Variants in DGKB observed in about 807,000 individuals in gnomAD.
DGKB encodes the protein 90 kDa diacylglycerol kinase.
Under a neutral mutation model 114.3 loss-of-function variants are expected in DGKB, and 67 were observed. The observed-to-expected ratio is 0.59, with a 90% CI of 0.48 to 0.72. The LOEUF is 0.72. Among genes scored for constraint, DGKB ranks in the 30% least tolerant of loss-of-function variants. The probability of loss-of-function intolerance (pLI) is 0.00; values close to 1 mark genes in which losing one functional copy is unlikely to be tolerated. For missense variants in DGKB, 907 were observed against 975.2 expected, an observed-to-expected ratio of 0.93 and a Z score of 0.93; for synonymous variants, 398 against 323.1, an observed-to-expected ratio of 1.23 and a Z score of -2.49.
At chr7:14,523,182 A>G (rs12699627) in intron 20 of DGKB, among the ~76,000 whole-genome samples, 53,645 of 152,036 alleles carry the variant, frequency 0.35, 9,870 homozygotes, top group Admixed American at 0.45. Context: ...CCTAAATAAT[A>G]ACTTCTCTTT....
rs560642172 is a variant in DGKB at position 14,544,959 on chromosome 7, G to C, written c.1770+29253C>G. ...ACTCCCACTTGTATTTTTACTGTCA[G>C]ATGCTTCTTCACGTTGATGCCAAAA... On this transcript the variant is annotated intron_variant, in intron 20 of 25. Coordinates refer to ENST00000402815, the MANE Select transcript of DGKB (RefSeq NM_001350709.2). Among the ~76,000 whole-genome samples, 321 of 151,516 alleles carry C rather than the reference G, an allele frequency of 2.1e-3. 1 individual carries two copies. Among genetic ancestry groups the C allele is most frequent in the Non-Finnish European group, 3.7e-3 (250 of 67,874 alleles).
At chr7:14,949,395 T>C (rs1464987016) in intron 1 of DGKB, among the ~76,000 whole-genome samples, 1 of 151,902 alleles carries the variant, frequency 6.6e-6, no homozygotes, top group Non-Finnish European at 1.5e-5. Flanking sequence ...ATCTTAGAGA[T>C]GCTTTAACAG....
chr7:14,930,987 G>C (rs955557104), intron 1 of DGKB, among the ~76,000 whole-genome samples: 1 of 151,926 alleles, frequency 6.6e-6, no homozygotes, highest in African/African-American at 2.4e-5. Flanking sequence ...CCTTAATTCT[G>C]TTTATGTGTT....
intron 23 of DGKB, among the ~76,000 whole-genome samples, chr7:14,326,099 T>A (rs964328429): frequency 2.3e-4 from 35 of 151,774 alleles, no homozygotes; most frequent in Admixed American, 5.3e-4. Context: ...TACAACTTAT[T>A]GTATTCATGT....
At chr7:14,766,070 A>G (rs1836407617) in intron 2 of DGKB, among the ~76,000 whole-genome samples, 1 of 152,124 alleles carries the variant, frequency 6.6e-6, no homozygotes, top group South Asian at 2.1e-4. Context: ...AACAATAAAT[A>G]GGTCTTTAAA....
chr7:14,709,126 T>A lies in DGKB; in HGVS notation c.467-7396A>T, dbSNP rs533237909. On this transcript the variant is annotated intron_variant, in intron 6 of 25. Transcript: ENST00000402815. ...ACTCAAACAAATTTACAAGAAAAAATCAAACAACCCCATCAAAAAGTGGGC... is the reference window on the plus strand; with the variant it reads ...ACTCAAACAAATTTACAAGAAAAAAACAAACAACCCCATCAAAAAGTGGGC... Among the ~76,000 whole-genome samples the A allele has an allele frequency of 3.4e-3, 512 of 149,284 alleles. 2 individuals carry two copies. Among genetic ancestry groups the A allele is most frequent in the Middle Eastern group, 0.01 (3 of 288 alleles).
At chr7:14,344,615 A>C (rs1812164470) in intron 22 of DGKB, among the ~76,000 whole-genome samples, 1 of 151,350 alleles carries the variant, frequency 6.6e-6, no homozygotes, top group South Asian at 2.1e-4. Flanking sequence ...TCAAAATATA[A>C]CTTTTCTTTT....
chr7:14,844,889 T>G (rs1848424358), intron 1 of DGKB, among the ~76,000 whole-genome samples: 1 of 152,046 alleles, frequency 6.6e-6, no homozygotes, highest in African/African-American at 2.4e-5. Context: ...GGTGGATCAC[T>G]TGAGCTCAGG....
At chr7:14,627,281 C>T (rs1321132530) in intron 14 of DGKB, among the ~76,000 whole-genome samples, 3 of 151,972 alleles carry the variant, frequency 2.0e-5, no homozygotes, top group Non-Finnish European at 4.4e-5. Context: ...CGGGGGACAA[C>T]AAAACAGACA....
intron 23 of DGKB, among the ~76,000 whole-genome samples, chr7:14,247,646 C>G (rs1366164527): frequency 6.6e-6 from 1 of 151,922 alleles, no homozygotes; most frequent in African/African-American, 2.4e-5. Context: ...TTGTATGTCT[C>G]CTTTTGCAAA....
At chr7:14,362,440 A>G (rs58245864) in intron 21 of DGKB, among the ~76,000 whole-genome samples, 2 of 151,850 alleles carry the variant, frequency 1.3e-5, no homozygotes, top group South Asian at 4.1e-4. Flanking sequence ...TCATTCATTC[A>G]ACAAGTATTT....
intron 21 of DGKB, among the ~76,000 whole-genome samples, chr7:14,365,377 C>T (rs560799123): frequency 2.0e-5 from 3 of 151,986 alleles, no homozygotes; most frequent in African/African-American, 4.8e-5. Flanking sequence ...CTTAACTTCA[C>T]GTCTTGCTCA....
chr7:14,753,503 G>GACAAA (rs367616456), intron 4 of DGKB, among the ~76,000 whole-genome samples: 24 of 130,826 alleles, frequency 1.8e-4, no homozygotes, highest in South Asian at 1.1e-3. Flanking sequence ...CAGCACTGTA[G>GACAAA]ACAAAACAAA....
At chr7:14,162,336 G>A (rs1316824009) in intron 25 of DGKB, among the ~76,000 whole-genome samples, 3 of 152,114 alleles carry the variant, frequency 2.0e-5, no homozygotes, top group East Asian at 1.9e-4. Context: ...ACATTCCAGA[G>A]GAAGATATTC....
chr7:14,205,974 T>C (rs1338396696), intron 23 of DGKB, among the ~76,000 whole-genome samples: 5 of 152,020 alleles, frequency 3.3e-5, no homozygotes, highest in African/African-American at 1.2e-4. Flanking sequence ...ACTATAGACT[T>C]TGGGTAAGAT....
Position 14,729,275 on chromosome 7 carries a change from A to G in DGKB, c.322+6766T>C, listed in dbSNP as rs979585071. Among the ~76,000 whole-genome samples, 77 of 142,432 alleles carry G rather than the reference A, an allele frequency of 5.4e-4. 1 individual carries two copies. The East Asian group carries it at 5.7e-3, about 11-fold the overall frequency. The allele number at this position is 142,432 out of a possible 152,430, so 93.4% of individuals were successfully genotyped here. A position where few individuals can be genotyped will look rare whatever the true frequency, so the allele number is the denominator to read the frequency against. On this transcript the variant is annotated intron_variant, in intron 5 of 25. Coordinates refer to ENST00000402815, the MANE Select transcript of DGKB (RefSeq NM_001350709.2). ...GTAGCTGGGACTACAGGCGCCTGCC[A>G]CCACATCCGGCTAATTTTTTGTATT... is the stretch of plus-strand genomic sequence containing the variant.
At chr7:14,681,423 A>ATGTGTGTGTGAGTGTGTGTGTATG (rs1554593866) in intron 12 of DGKB, among the ~76,000 whole-genome samples, 8 of 151,580 alleles carry the variant, frequency 5.3e-5, no homozygotes, top group African/African-American at 1.9e-4. Flanking sequence ...ATGAGTGTGC[A>ATGTGTGTGTGAGTGTGTGTGTATG]TGTGTGTGTG....
At chr7:14,742,454 A>G (rs1180608675) in intron 4 of DGKB, among the ~76,000 whole-genome samples, 2 of 152,238 alleles carry the variant, frequency 1.3e-5, no homozygotes, top group Non-Finnish European at 2.9e-5. Context: ...ATCTTTGAGA[A>G]ATAAAAAGTC....
intron 1 of DGKB, among the ~76,000 whole-genome samples, chr7:14,847,301 A>T (rs2128150955): frequency 6.6e-6 from 1 of 151,956 alleles, no homozygotes; most frequent in Non-Finnish European, 1.5e-5. Flanking sequence ...AAAAAAAAAA[A>T]AAAAAAAAGA....
Sources: allele counts gnomAD v4.1 joint callset (sites outside exome capture counted in the v4.1 genomes callset), GRCh38; gene constraint gnomAD v4.1.1; transcripts MANE v1.5; gene names NCBI Gene and HGNC (gene_info 2026-07-23, HGNC 2026-07-21).